The following MMP28 variants were observed in gnomAD, a reference collection of about 807,000 sequenced individuals.
MMP28 encodes the protein matrix metallopeptidase 28, also known as matrix metalloproteinase-28.
Under a neutral mutation model 60.5 loss-of-function variants are expected in MMP28, and 55 were observed. The observed-to-expected ratio is 0.91, with a 90% CI of 0.73 to 1.14. The LOEUF is 1.14. Ranked by LOEUF, MMP28 falls within the 50% of genes most tolerant of loss-of-function variation. The pLI is 0.00. For synonymous variants in MMP28, 318 were observed against 312.5 expected (o/e 1.02, Z -0.18); for missense variants, 686 against 738.3 (o/e 0.93, Z 0.82).
chr17:35,761,099 ATTTTTT>A (rs10533957), downstream of MMP28: 2,312 of 505,850 alleles, frequency 4.6e-3, 3 homozygotes, highest in East Asian at 7.8e-3. Flanking sequence ...GCCTTCCTGA[ATTTTTT>A]TTTTTTTTTT....
chr17:35,792,021 T>C (rs2086827973), intron 1 of MMP28, among the ~76,000 whole-genome samples: 1 of 151,978 alleles, frequency 6.6e-6, no homozygotes, highest in Non-Finnish European at 1.5e-5. Context: ...TGAGGTCTAG[T>C]TCCCCGCACT....
rs61445406 is a variant in MMP28 at position 35,771,754 on chromosome 17, TAA to T, written c.604+1424_604+1425del. Among the ~76,000 whole-genome samples the T allele has an allele frequency of 4.3e-4, 42 of 98,248 alleles. 1 individual carries two copies. Among genetic ancestry groups the T allele is most frequent in the Admixed American group, 1.7e-3 (14 of 8,292 alleles). The allele number at this position is 98,248 out of a possible 152,430, so 64.5% of individuals were successfully genotyped here. On this transcript the variant is annotated intron_variant, in intron 4 of 7. Transcript: ENST00000605424. ...ATATATATATATATATATATATATA[TAA>T]AATTGTGTTCTTGCCCTCCTCTGCC...
downstream of MMP28, chr17:35,765,742 G>T: frequency 6.6e-6 from 4 of 602,622 alleles, no homozygotes; most frequent in Non-Finnish European, 8.3e-6. Context: ...TCACAGCTCT[G>T]CACACACACA....
At chr17:35,767,642 C>T in intron 7 of MMP28, 110 bp downstream of exon 7, 1 of 1,309,398 alleles carries the variant, frequency 7.6e-7, no homozygotes, top group Non-Finnish European at 1.0e-6. Context: ...AATGGAGACT[C>T]CACCATGGAC....
chr17:35,764,617 G>C (rs201905010), downstream of MMP28: 267 of 1,577,904 alleles, frequency 1.7e-4, no homozygotes, highest in African/African-American at 3.4e-3. Flanking sequence ...GGGAACTCCT[G>C]AGCGCCCCCG....
Position 35,766,498 on chromosome 17 carries a change from C to G in MMP28, c.*2G>C. The G allele has an allele frequency of 6.3e-7, 1 of 1,581,276 alleles. No homozygotes were observed. On this transcript the variant is annotated 3_prime_UTR_variant, in exon 8 of 8. Transcript: ENST00000605424. The surrounding 1 kb of genome is among the most constrained non-coding windows in gnomAD (Gnocchi z 4.3). ...ACCAGTTTCTGAGGTGAGGAGGTGC[C>G]TTCAGAACAGGGCGCTCCCCGAGTT... is the stretch of plus-strand genomic sequence containing the variant.
At position 35,766,242 on chromosome 17, in the gene MMP28, A is replaced by C; in HGVS notation, c.*258T>G. The C allele has an allele frequency of 7.9e-7, 1 of 1,272,070 alleles. No homozygotes were observed. Among genetic ancestry groups the C allele is most frequent in the Non-Finnish European group, 9.9e-7 (1 of 1,008,674 alleles). The allele number at this position is 1,272,070 out of a possible 1,614,324, so 78.8% of individuals were successfully genotyped here. A position where few individuals can be genotyped will look rare whatever the true frequency, so the allele number is the denominator to read the frequency against. ...GCCTGGGGAGGATAGAAGTCCTCGGAGGAAAGGGCCAAGGGATCTGGGACC... is the reference window on the plus strand; with the variant it reads ...GCCTGGGGAGGATAGAAGTCCTCGGCGGAAAGGGCCAAGGGATCTGGGACC... On this transcript the variant is annotated 3_prime_UTR_variant, in exon 8 of 8. Transcript: ENST00000605424. The surrounding 1 kb of genome is among the most constrained non-coding windows in gnomAD (Gnocchi z 4.3).
chr17:35,779,149 T>C, intron 2 of MMP28, 74 bp from the exon 3 acceptor site: 2 of 1,572,756 alleles, frequency 1.3e-6, no homozygotes, highest in Non-Finnish European at 1.7e-6. Context: ...CTCCCTGGGG[T>C]GTAGCCAGCC....
chr17:35,781,816 C>T (rs1452420758), intron 1 of MMP28, among the ~76,000 whole-genome samples: 2 of 151,900 alleles, frequency 1.3e-5, no homozygotes, highest in African/African-American at 4.8e-5. Context: ...CTTCTCTTAC[C>T]CCTATTTTCT....
chr17:35,776,901 AAG>A (rs111566863), intron 3 of MMP28, among the ~76,000 whole-genome samples: 7 of 151,906 alleles, frequency 4.6e-5, no homozygotes, highest in African/African-American at 9.7e-5. Context: ...AAAAAAAAGA[AAG>A]AGAGAGAGAG....
intron 3 of MMP28, among the ~76,000 whole-genome samples, chr17:35,774,670 G>A (rs1188978687): frequency 6.6e-6 from 1 of 152,156 alleles, no homozygotes; most frequent in Non-Finnish European, 1.5e-5. Flanking sequence ...TCCCACCCCT[G>A]AGCCAAGCTC....
chr17:35,778,474 G>C (rs1555608157), intron 3 of MMP28: 2 of 258,042 alleles, frequency 7.8e-6, no homozygotes, highest in Non-Finnish European at 1.5e-5. Flanking sequence ...TCTCAATAAA[G>C]TGGTTAAAAA....
At chr17:35,794,555 A>G (rs1032174633) in intron 1 of MMP28, among the ~76,000 whole-genome samples, 6 of 152,058 alleles carry the variant, frequency 3.9e-5, no homozygotes, top group Non-Finnish European at 7.4e-5. Context: ...CTACACTTTT[A>G]TCTAGAAAAT....
At chr17:35,791,936 A>G (rs2086825841) in intron 1 of MMP28, among the ~76,000 whole-genome samples, 2 of 151,874 alleles carry the variant, frequency 1.3e-5, no homozygotes, top group South Asian at 2.1e-4. Flanking sequence ...GCACCCCTCC[A>G]CAGATTCCAG....
At chr17:35,761,515 G>A (rs1345224400), downstream of MMP28, among the ~76,000 whole-genome samples, 3 of 152,068 alleles carry the variant, frequency 2.0e-5, no homozygotes, top group Non-Finnish European at 4.4e-5. Flanking sequence ...CCAGGCACAA[G>A]TGATTCTCCT....
chr17:35,756,813 A>G (rs1329052233), intron 2 of MMP28, among the ~76,000 whole-genome samples: 3 of 151,852 alleles, frequency 2.0e-5, no homozygotes, highest in Non-Finnish European at 4.4e-5. Context: ...TGGCTTTTCT[A>G]TTTCCTAAGA....
intron 1 of MMP28, among the ~76,000 whole-genome samples, chr17:35,783,613 C>T (rs905901170): frequency 6.6e-6 from 1 of 152,180 alleles, no homozygotes; most frequent in Admixed American, 6.5e-5. Flanking sequence ...GTGCCTCTCT[C>T]CACAAACACA....
At chr17:35,788,308 T>C (rs2086713633) in intron 1 of MMP28, among the ~76,000 whole-genome samples, 1 of 152,188 alleles carries the variant, frequency 6.6e-6, no homozygotes, top group South Asian at 2.1e-4. Context: ...CAAATAACTA[T>C]ACCGTATGGA....
chr17:35,764,304 G>A (rs2143114367), downstream of MMP28: 3 of 1,499,028 alleles, frequency 2.0e-6, no homozygotes, highest in South Asian at 3.9e-5. Flanking sequence ...CTGCTGGGCG[G>A]CCTAACAGCT....
Sources: gnomAD v4.1 joint callset for allele counts (sites outside exome capture counted in the v4.1 genomes callset) on GRCh38, gnomAD v4.1.1 for gene constraint, Gnocchi (gnomAD v3.1) non-coding constraint, MANE v1.5 for transcripts, NCBI Gene and HGNC (gene_info 2026-07-23, HGNC 2026-07-21) for gene names.